The following PACSIN2 variants were observed in gnomAD, a reference collection of about 807,000 sequenced individuals.
PACSIN2 encodes the protein protein kinase C and casein kinase substrate in neurons 2.
PACSIN2 carries 25 observed loss-of-function variants against 63.8 expected under a neutral mutation model. The ratio of observed to expected loss-of-function variants is 0.39; its 90% CI spans 0.29 to 0.55. The LOEUF is 0.55. Ranked by LOEUF, PACSIN2 falls within the 20% of genes least tolerant of loss-of-function variation. The pLI is 0.62. For synonymous variants in PACSIN2, 255 were observed against 256.2 expected (o/e 1.00, Z 0.05); for missense variants, 518 against 646.9 (o/e 0.80, Z 2.16).
intron 1 of PACSIN2, among the ~76,000 whole-genome samples, chr22:43,003,308 G>A (rs1923881071): frequency 6.6e-6 from 1 of 152,080 alleles, no homozygotes. Flanking sequence ...ATTATCCCAA[G>A]CATAAAAACA....
chr22:43,005,285 C>T (rs2146924156), intron 1 of PACSIN2, among the ~76,000 whole-genome samples: 1 of 152,306 alleles, frequency 6.6e-6, no homozygotes, highest in Non-Finnish European at 1.5e-5. Context: ...TGTAGTCAAG[C>T]AACATCCCTT....
chr22:42,910,581 T>C (rs1194377078), intron 2 of PACSIN2, among the ~76,000 whole-genome samples: 2 of 152,210 alleles, frequency 1.3e-5, no homozygotes, highest in Non-Finnish European at 2.9e-5. Flanking sequence ...CTGGTCCTGC[T>C]TCATCTAGTT....
At position 42,929,346 on chromosome 22, in the gene PACSIN2, C is replaced by T. The variant is rs2284093; in HGVS notation, c.-77-17189G>A. Among the ~76,000 whole-genome samples the T allele has an allele frequency of 0.041, 6,313 of 152,298 alleles. 787 individuals carry two copies. In the East Asian group the frequency reaches 0.49, roughly 12 times the overall value. On this transcript the variant is annotated intron_variant, in intron 1 of 10. Coordinates refer to ENST00000263246, the MANE Select transcript of PACSIN2 (RefSeq NM_001184970.3). Reference sequence around the variant, plus strand: ...AGAGGCTAAAATTTAAAGGGAAAGTCAACAGCAATTAATATTTGTATCTTG... The same window carrying T: ...AGAGGCTAAAATTTAAAGGGAAAGTTAACAGCAATTAATATTTGTATCTTG...
chr22:42,958,054 G>A (rs1003049389), intron 1 of PACSIN2, among the ~76,000 whole-genome samples: 3 of 151,862 alleles, frequency 2.0e-5, no homozygotes, highest in Non-Finnish European at 2.9e-5. Flanking sequence ...TAAAAGCTGA[G>A]TGTTTGAAAG....
intron 1 of PACSIN2, among the ~76,000 whole-genome samples, chr22:42,999,830 T>C (rs1250331639): frequency 5.3e-5 from 8 of 152,148 alleles, no homozygotes; most frequent in South Asian, 2.1e-4. Context: ...TCTGAAGATA[T>C]ATTAAGCTTC....
Position 43,015,095 on chromosome 22 carries a change from C to G in PACSIN2, c.-152G>C, listed in dbSNP as rs1242060448. ...CCAGCTCCGGCCGGGCTCCCGCTAC[C>G]GCTTTTGCTCCGGCAGCACTGCCCA... On this transcript the variant is annotated 5_prime_UTR_variant, in exon 1 of 11. Transcript: ENST00000263246. The G allele has an allele frequency of 1.3e-5, 2 of 152,668 alleles. No homozygotes were observed. Among genetic ancestry groups the G allele is most frequent in the Non-Finnish European group, 2.9e-5 (2 of 68,484 alleles). 9.5% of individuals were successfully genotyped at this position (152,668 alleles called of 1,614,324 possible).
intron 1 of PACSIN2, among the ~76,000 whole-genome samples, chr22:42,931,420 G>T (rs1474662689): frequency 6.6e-6 from 1 of 152,230 alleles, no homozygotes. Flanking sequence ...GCGACACCAA[G>T]GTGAACCTTG....
chr22:42,953,497 C>T (rs1160471825), intron 1 of PACSIN2, among the ~76,000 whole-genome samples: 4 of 152,088 alleles, frequency 2.6e-5, no homozygotes, highest in African/African-American at 4.8e-5. Context: ...AAAGAAGAAA[C>T]GTAACAGCAT....
chr22:42,936,622 G>A (rs1187644596), intron 1 of PACSIN2, among the ~76,000 whole-genome samples: 1 of 152,026 alleles, frequency 6.6e-6, no homozygotes, highest in African/African-American at 2.4e-5. Flanking sequence ...AATAAAGATG[G>A]GGTTATGGCT....
intron 1 of PACSIN2, among the ~76,000 whole-genome samples, chr22:42,953,597 T>G (rs1022839161): frequency 6.6e-6 from 1 of 152,178 alleles, no homozygotes; most frequent in African/African-American, 2.4e-5. Flanking sequence ...TCAGCTACAA[T>G]TTGAGAGCTA....
At chr22:42,959,894 A>C (rs1057068810) in intron 1 of PACSIN2, 8 of 152,236 alleles carry the variant, frequency 5.3e-5, no homozygotes, top group African/African-American at 1.9e-4. Flanking sequence ...CTCTCAGCTG[A>C]ATTCTCCCAG....
At chr22:42,902,026 C>T (rs954365331) in intron 2 of PACSIN2, among the ~76,000 whole-genome samples, 9 of 152,220 alleles carry the variant, frequency 5.9e-5, no homozygotes, top group Non-Finnish European at 1.2e-4. Flanking sequence ...GAGCGTCTGG[C>T]AACACTCTCT....
At chr22:42,952,601 C>T (rs1290280685) in intron 1 of PACSIN2, among the ~76,000 whole-genome samples, 1 of 151,636 alleles carries the variant, frequency 6.6e-6, no homozygotes, top group Non-Finnish European at 1.5e-5. Context: ...TCGTGATCCG[C>T]CCACCTTGGC....
At chr22:43,011,003 T>A (rs1924454010) in intron 1 of PACSIN2, among the ~76,000 whole-genome samples, 3 of 152,222 alleles carry the variant, frequency 2.0e-5, no homozygotes, top group Non-Finnish European at 4.4e-5. Context: ...GCAGAATAAT[T>A]TGAGAATTCT....
intron 10 of PACSIN2, among the ~76,000 whole-genome samples, chr22:42,875,074 T>A (rs1322966988): frequency 6.6e-6 from 1 of 151,932 alleles, no homozygotes; most frequent in Non-Finnish European, 1.5e-5. Context: ...ATGGTCTCAA[T>A]CTCCTGACCT....
Position 42,876,257 on chromosome 22 carries a change from T to C in PACSIN2, c.1228A>G (p.Thr410Ala). The C allele has an allele frequency of 6.2e-7, 1 of 1,614,004 alleles. No homozygotes were observed. Among genetic ancestry groups the C allele is most frequent in the Non-Finnish European group, 8.5e-7 (1 of 1,179,984 alleles). ...DDESNNPFSSTDANGDSNPFD... is the reference protein window; with the variant it reads ...DDESNNPFSSADANGDSNPFD... ...GGATTCGAGTCCCCATTGGCATCCG[T>C]GGAGGAGAAGGGGTTGTTAGACTCA... The change falls in exon 10 of 11, where the codon ACG becomes GCG. Residue 410 changes from threonine to alanine, a missense_variant. This residue lies in a region of PACSIN2 where 507 missense variants were observed against 612.3 expected (regional missense o/e 0.83). Coordinates refer to ENST00000263246, the MANE Select transcript of PACSIN2 (RefSeq NM_001184970.3).
In PACSIN2 at chr22:42,871,416, G is replaced by A. The variant is rs1349251348; in HGVS notation, c.1402C>T (p.Arg468Cys). 9 of 1,614,122 alleles carry A rather than the reference G, an allele frequency of 5.6e-6. No homozygotes were observed. The highest frequency in any genetic ancestry group is 4.5e-5 in the East Asian group (2 of 44,878). The change falls in exon 11 of 11, where the codon CGC becomes TGC. Residue 468 changes from arginine to cysteine, a missense_variant. Transcript: ENST00000263246. The surrounding 1 kb of genome is among the most constrained non-coding windows in gnomAD (Gnocchi z 5.4). ...DEDEQGWCKGRLDNGQVGLYP... is the reference protein window; with the variant it reads ...DEDEQGWCKGCLDNGQVGLYP... The stretch of plus-strand genomic sequence containing the variant: ...AGGCCAACTTGCCCGTTGTCCAAGC[G>A]TCCCTTGCACCAGCCCTGCTCATCC...
intron 1 of PACSIN2, among the ~76,000 whole-genome samples, chr22:43,002,006 G>C (rs1427589411): frequency 6.6e-6 from 1 of 152,180 alleles, no homozygotes; most frequent in Admixed American, 6.5e-5. Context: ...GGGTAGGAAA[G>C]TCAGTCCATG....
intron 1 of PACSIN2, among the ~76,000 whole-genome samples, chr22:42,973,183 G>T (rs1395695416): frequency 6.6e-6 from 1 of 152,184 alleles, no homozygotes; most frequent in Non-Finnish European, 1.5e-5. Context: ...TGAAAGATAA[G>T]GAGAGAAAGC....
Sources: allele counts gnomAD v4.1 joint callset (sites outside exome capture counted in the v4.1 genomes callset), GRCh38; gene constraint gnomAD v4.1.1; regional missense constraint gnomAD v4.1.1; non-coding constraint Gnocchi (gnomAD v3.1); transcripts MANE v1.5; gene names NCBI Gene and HGNC (gene_info 2026-07-23, HGNC 2026-07-21).